The following E2F2 variants were observed in gnomAD, a reference collection of about 807,000 sequenced individuals.
E2F2 encodes the protein transcription factor E2F2.
Under a neutral mutation model 42.2 loss-of-function variants are expected in E2F2, and 22 were observed. The observed-to-expected ratio is 0.52, with a 90% CI of 0.37 to 0.74. The LOEUF (loss-of-function observed/expected upper bound fraction) is 0.74. Ranked by LOEUF, E2F2 falls within the 30% of genes least tolerant of loss-of-function variation. The pLI, the probability that E2F2 is intolerant of heterozygous loss-of-function variation, is 0.00. For synonymous variants in E2F2, 248 were observed against 251.6 expected (o/e 0.99, Z 0.13); for missense variants, 481 against 557.8 (o/e 0.86, Z 1.39).
In E2F2 at chr1:23,512,440, T is replaced by C. The variant is rs1353363137; in HGVS notation, c.1046-2292A>G. Among the ~76,000 whole-genome samples the C allele has an allele frequency of 2.0e-5, 3 of 151,886 alleles. No individual in the cohort carries two copies. The East Asian group carries it at 5.8e-4, about 29-fold the overall frequency. On this transcript the variant is annotated intron_variant, in intron 6 of 6. Coordinates refer to ENST00000361729, the MANE Select transcript of E2F2 (RefSeq NM_004091.4). ...GAAAACTAGGGCCCAAAGAAGTCCA[T>C]TAAATGTATATTAATTAAAAAAAAA...
rs957648654 is a variant in E2F2, at chr1:23,507,931, G to A, written c.*1949C>T. On this transcript the variant is annotated 3_prime_UTR_variant, in exon 7 of 7. Coordinates refer to ENST00000361729, the MANE Select transcript of E2F2 (RefSeq NM_004091.4). ...TGGGAGTCAAACACCTCTGACTTCA[G>A]AGATGGCACATGGCTAAATGGCAGC... 2.0e-5 allele frequency: 3 copies of A among 152,274 alleles called. No individual in the cohort carries two copies. The highest frequency in any genetic ancestry group is 4.8e-5 in the African/African-American group (2 of 41,448). The allele number at this position is 152,274 out of a possible 1,614,324, so 9.4% of individuals were successfully genotyped here. A position where few individuals can be genotyped will look rare whatever the true frequency, so the allele number is the denominator to read the frequency against.
In E2F2 at chr1:23,521,980, C is replaced by G; in HGVS notation, c.435G>C (p.Leu145=). ...GLLTKKFIYL[L]SESEDGVLDL... is the part of the protein sequence containing the mutation. ...CCAGGACCCCATCCTCTGACTCGCT[C>G]AGGAGGTAAATGAACTTCTTGGTGA... Residue 145 remains leucine, a synonymous_variant, in exon 3 of 7, where the codon CTG becomes CTC. Coordinates refer to ENST00000361729, the MANE Select transcript of E2F2 (RefSeq NM_004091.4). The G allele has an allele frequency of 6.2e-7, 1 of 1,614,190 alleles. No homozygotes were observed. Among genetic ancestry groups the G allele is most frequent in the Non-Finnish European group, 8.5e-7 (1 of 1,180,028 alleles).
Position 23,524,501 on chromosome 1 carries a change from G to T in E2F2, c.253-13C>A, listed in dbSNP as rs769751419. On this transcript the variant is annotated splice_polypyrimidine_tract_variant and intron_variant, in intron 1 of 6. Transcript: ENST00000361729. ...GCTTCCTTTTGGCCTTGGAGAAAAG[G>T]GGGAGAGAGAGGCAGAGTTTGAGAA... 24 of 1,611,620 alleles carry T rather than the reference G, an allele frequency of 1.5e-5. No homozygotes were observed. The East Asian group carries it at 5.4e-4, about 36-fold the overall frequency.
At chr1:23,521,703 G>A in intron 3 of E2F2, 134 bp downstream of exon 3, 1 of 1,478,580 alleles carries the variant, frequency 6.8e-7, no homozygotes, top group Non-Finnish European at 9.0e-7. Context: ...CTCTTGGTCC[G>A]CCTCAGCCCT....
intron 1 of E2F2, among the ~76,000 whole-genome samples, chr1:23,528,918 G>A (rs900137445): frequency 6.6e-6 from 1 of 152,170 alleles, no homozygotes; most frequent in African/African-American, 2.4e-5. Context: ...AGAGCCTGCT[G>A]CCTGACCAGG....
chr1:23,518,561 A>G (rs1334730287), intron 5 of E2F2, among the ~76,000 whole-genome samples: 1 of 152,126 alleles, frequency 6.6e-6, no homozygotes, highest in Non-Finnish European at 1.5e-5. Context: ...AACTGCAGAC[A>G]GGTCAGTGTG....
At chr1:23,505,458 G>A (rs1043856098), downstream of E2F2, among the ~76,000 whole-genome samples, 1 of 152,172 alleles carries the variant, frequency 6.6e-6, no homozygotes, top group Admixed American at 6.5e-5. Context: ...GGTTCATGGA[G>A]CCTCAGAATA....
At chr1:23,516,811 G>C (rs1643032279) in intron 5 of E2F2, among the ~76,000 whole-genome samples, 1 of 127,224 alleles carries the variant, frequency 7.9e-6, no homozygotes, top group Non-Finnish European at 1.7e-5. Context: ...GGGGGGGGGG[G>C]CAGCACCCTT....
intron 1 of E2F2, among the ~76,000 whole-genome samples, chr1:23,529,620 C>A (rs1643305805): frequency 6.6e-6 from 1 of 152,226 alleles, no homozygotes. Flanking sequence ...AAGAGCTAGC[C>A]CCACAGCCAC....
intron 1 of E2F2, among the ~76,000 whole-genome samples, chr1:23,527,941 C>T (rs1001744813): frequency 8.5e-5 from 13 of 152,140 alleles, no homozygotes; most frequent in African/African-American, 2.7e-4. Context: ...GTCAGGAGTT[C>T]GAAGCTAGCC....
At chr1:23,523,155 A>ATT (rs34433615) in intron 2 of E2F2, among the ~76,000 whole-genome samples, 2,259 of 143,246 alleles carry the variant, frequency 0.016, 41 homozygotes, top group African/African-American at 0.04. Flanking sequence ...TCTAACCAGG[A>ATT]TTTTTTTTTT....
In E2F2 at chr1:23,510,203, C is replaced by T. The variant is rs964025725; in HGVS notation, c.1046-55G>A. The stretch of plus-strand genomic sequence containing the variant: ...GGCCCTAGCATCCAACTCCTCAGCA[C>T]GCGAGGACAGACTTCCGGTTCTCTG... On this transcript the variant is annotated intron_variant, in intron 6 of 6. Transcript: ENST00000361729. 44 of 1,473,128 alleles carry T rather than the reference C, an allele frequency of 3.0e-5. No homozygotes were observed. The African/African-American group carries it at 3.9e-4, about 13-fold the overall frequency. The allele number at this position is 1,473,128 out of a possible 1,614,324, so 91.3% of individuals were successfully genotyped here.
At chr1:23,515,405 G>T (rs532219637) in intron 6 of E2F2, among the ~76,000 whole-genome samples, 1 of 152,172 alleles carries the variant, frequency 6.6e-6, no homozygotes, top group Non-Finnish European at 1.5e-5. Flanking sequence ...CCCCTTCTTC[G>T]ATTTGATCTA....
chr1:23,512,217 AT>A, intron 6 of E2F2, among the ~76,000 whole-genome samples: 3 of 152,104 alleles, frequency 2.0e-5, no homozygotes, highest in African/African-American at 7.2e-5. Context: ...AAATAAATAA[AT>A]AAACAAACAA....
chr1:23,516,490 G>T lies in E2F2; in HGVS notation c.890C>A (p.Pro297His). 1 of 1,609,492 alleles carries T rather than the reference G, an allele frequency of 6.2e-7. No individual in the cohort carries two copies. Among genetic ancestry groups the T allele is most frequent in the Non-Finnish European group, 8.5e-7 (1 of 1,178,090 alleles). Residue 297 changes from proline (P) to histidine (H), a missense_variant, in exon 6 of 7, where the codon CCC (proline) becomes CAC (histidine). Coordinates refer to ENST00000361729, the MANE Select transcript of E2F2 (RefSeq NM_004091.4). ...LQIYLKSTQG[P>H]IEVYLCPEEV... ...CTCTGGGCACAGGTAGACTTCGATG[G>T]GCCCTTGGGTGCTCTTGAGATATAT...
rs1642815219 is a variant in E2F2 at position 23,507,247 on chromosome 1, G to A, written c.*2633C>T. On this transcript the variant is annotated 3_prime_UTR_variant, in exon 7 of 7. Transcript: ENST00000361729. ...GAAAATACCACTCAGGCTGGGCCTG[G>A]TGGCTCGTGCCTGTCATCTCAACAC... is the stretch of plus-strand genomic sequence containing the variant. 1 of 152,148 alleles carries A rather than the reference G, an allele frequency of 6.6e-6. No homozygotes were observed. The highest frequency in any genetic ancestry group is 2.1e-4 in the South Asian group (1 of 4,834). 9.4% of individuals were successfully genotyped at this position (152,148 alleles called of 1,614,324 possible).
At chr1:23,516,771 C>G (rs576756606) in intron 5 of E2F2, among the ~76,000 whole-genome samples, 1 of 146,224 alleles carries the variant, frequency 6.8e-6, no homozygotes, top group Non-Finnish European at 1.5e-5. Flanking sequence ...ACTCTTCCCC[C>G]CACTCTCAGG....
chr1:23,520,393 G>A (rs754726150), intron 4 of E2F2, among the ~76,000 whole-genome samples: 49 of 151,510 alleles, frequency 3.2e-4, no homozygotes, highest in Non-Finnish European at 5.7e-4. Context: ...CTTTTTCTCC[G>A]TTTTCCAGAT....
intron 6 of E2F2, among the ~76,000 whole-genome samples, chr1:23,514,994 C>T (rs1006233136): frequency 6.6e-6 from 1 of 152,102 alleles, no homozygotes; most frequent in African/African-American, 2.4e-5. Context: ...CAGATTTGAC[C>T]TGCAGGCAAT....
Sources: gnomAD v4.1 joint callset for allele counts (sites outside exome capture counted in the v4.1 genomes callset) on GRCh38, gnomAD v4.1.1 for gene constraint, MANE v1.5 for transcripts, NCBI Gene and HGNC (gene_info 2026-07-23, HGNC 2026-07-21) for gene names.